The following CR1 variants were observed in gnomAD, a reference collection of about 807,000 sequenced individuals.
CR1 encodes the protein complement receptor type 1.
CR1 carries 116 observed loss-of-function variants against 187.3 expected under a neutral mutation model. The ratio of observed to expected loss-of-function variants is 0.62; its 90% CI spans 0.53 to 0.72. The LOEUF (loss-of-function observed/expected upper bound fraction) is 0.72, where lower values mean the gene tolerates loss of function less well. Ranked by LOEUF, CR1 falls within the 30% of genes least tolerant of loss-of-function variation. CR1 has a pLI of 0.00. For missense variants in CR1, 1,731 were observed against 2,110.7 expected, an observed-to-expected ratio of 0.82 and a Z score of 3.52; for synonymous variants, 576 against 747.1, an observed-to-expected ratio of 0.77 and a Z score of 3.73.
chr1:207,574,311 C>A (rs979846412), intron 27 of CR1, among the ~76,000 whole-genome samples: 10 of 152,006 alleles, frequency 6.6e-5, no homozygotes, highest in Admixed American at 2.0e-4. Flanking sequence ...ATATAATACC[C>A]GCAAAAGAAA....
At chr1:207,635,070 G>A (rs1187270660) in intron 46 of CR1, among the ~76,000 whole-genome samples, 1 of 152,152 alleles carries the variant, frequency 6.6e-6, no homozygotes, top group African/African-American at 2.4e-5. Flanking sequence ...ATCACAGAGG[G>A]CAATAAACAC....
At chr1:207,627,702 T>C (rs1662523344) in intron 45 of CR1, among the ~76,000 whole-genome samples, 1 of 152,164 alleles carries the variant, frequency 6.6e-6, no homozygotes, top group African/African-American at 2.4e-5. Context: ...CTTGAGCCAA[T>C]GAGTTTAAGG....
chr1:207,638,401 G>A (rs984575141), intron 46 of CR1, among the ~76,000 whole-genome samples: 1 of 152,160 alleles, frequency 6.6e-6, no homozygotes, highest in African/African-American at 2.4e-5. Context: ...CACTTCTGAG[G>A]CTGTGCCTAC....
intron 35 of CR1, among the ~76,000 whole-genome samples, chr1:207,589,877 G>A (rs998087604): frequency 2.6e-5 from 4 of 152,118 alleles, no homozygotes; most frequent in Non-Finnish European, 5.9e-5. Flanking sequence ...AGAGATTGAA[G>A]ATCAACTTAA....
At chr1:207,508,357 A>C (rs1377928547) in intron 3 of CR1, among the ~76,000 whole-genome samples, 1 of 152,218 alleles carries the variant, frequency 6.6e-6, no homozygotes, top group Non-Finnish European at 1.5e-5. Flanking sequence ...CCCTGGTGAA[A>C]GATGTTTATA....
At chr1:207,585,828 A>G (rs1259477767) in intron 33 of CR1, among the ~76,000 whole-genome samples, 1 of 152,144 alleles carries the variant, frequency 6.6e-6, no homozygotes, top group Non-Finnish European at 1.5e-5. Context: ...AATGGAGTTC[A>G]GACTCTATTT....
intron 35 of CR1, among the ~76,000 whole-genome samples, chr1:207,606,790 C>A (rs960990493): frequency 1.3e-5 from 2 of 152,160 alleles, no homozygotes; most frequent in African/African-American, 4.8e-5. Flanking sequence ...ACTGACTCTT[C>A]TGGGTAAATC....
chr1:207,506,054 T>C lies in CR1; in HGVS notation c.272T>C (p.Val91Ala). 1 of 1,613,916 alleles carries C rather than the reference T, an allele frequency of 6.2e-7. No individual in the cohort carries two copies. The highest frequency in any genetic ancestry group is 8.5e-7 in the Non-Finnish European group (1 of 1,179,838). ...TCTATCATCTGCCTAAAAAACTCAGTCTGGACTGGTGCTAAGGACAGGTGC... is the reference window on the plus strand; with the variant it reads ...TCTATCATCTGCCTAAAAAACTCAGCCTGGACTGGTGCTAAGGACAGGTGC... ...PFSIICLKNSVWTGAKDRCRR... is the reference protein window; with the variant it reads ...PFSIICLKNSAWTGAKDRCRR... The change falls in exon 2 of 47, where the codon GTC becomes GCC. Residue 91 changes from valine to alanine, a missense_variant. This residue lies in a region of CR1 where 237 missense variants were observed against 240.4 expected (regional missense o/e 0.99). Coordinates refer to ENST00000367049, the MANE Select transcript of CR1 (RefSeq NM_000651.6).
chr1:207,594,983 A>C (rs990780538), intron 35 of CR1, among the ~76,000 whole-genome samples: 3 of 152,134 alleles, frequency 2.0e-5, no homozygotes, highest in African/African-American at 4.8e-5. Flanking sequence ...ATCTTTAAAA[A>C]TCTCTCATAT....
intron 4 of CR1, among the ~76,000 whole-genome samples, chr1:207,518,824 G>T (rs1278987949): frequency 3.3e-5 from 5 of 152,190 alleles, no homozygotes; most frequent in Admixed American, 6.5e-5. Context: ...TAACGTGATT[G>T]TATCTACAAA....
Position 207,639,365 on chromosome 1 carries a change from G to A in CR1, c.7458-32G>A, listed in dbSNP as rs1174230032. The A allele has an allele frequency of 8.2e-6, 13 of 1,588,536 alleles. No homozygotes were observed. In the East Asian group the frequency reaches 2.9e-4, roughly 36 times the overall value. On this transcript the variant is annotated intron_variant, in intron 46 of 46. Transcript: ENST00000367049. ...GGGTAGTTCAGTTGTCTACCATGCT[G>A]TTAATTAAATGAAAACATCCTGTTA... is the stretch of plus-strand genomic sequence containing the variant.
In CR1 at chr1:207,587,566, G is replaced by A. The variant is rs773807648; in HGVS notation, c.5710+1G>A. The A allele has an allele frequency of 4.3e-6, 7 of 1,612,540 alleles. No individual in the cohort carries two copies. The highest frequency in any genetic ancestry group is 1.3e-5 in the African/African-American group (1 of 74,976). On this transcript the variant is annotated splice_donor_variant, in intron 34 of 46. Transcript: ENST00000367049. LOFTEE classifies it high-confidence loss of function. ...TCAAGTGTTGAAGACAACTGTAGAC[G>A]TGAGTAACCCCTCCCTGGGAACTAC...
chr1:207,510,746 T>TTTCCTTCCTTCCTTCC (rs71154819), intron 3 of CR1, among the ~76,000 whole-genome samples: 1 of 148,448 alleles, frequency 6.7e-6, no homozygotes, highest in African/African-American at 2.5e-5. Flanking sequence ...TCCTTCCTTC[T>TTTCCTTCCTTCCTTCC]TTCCTTCCTT....
chr1:207,590,061 C>T (rs1052352929), intron 35 of CR1, among the ~76,000 whole-genome samples: 2 of 152,122 alleles, frequency 1.3e-5, no homozygotes, highest in Non-Finnish European at 2.9e-5. Context: ...GAGAACTGCC[C>T]CAACCTAGCA....
intron 31 of CR1, among the ~76,000 whole-genome samples, chr1:207,580,908 C>G (rs116772674): frequency 0.021 from 3,245 of 152,260 alleles, 63 homozygotes; most frequent in Non-Finnish European, 0.028. Flanking sequence ...AGACTAATAT[C>G]TGAAACAATG....
chr1:207,580,207 C>T (rs1660889545), intron 29 of CR1, 33 bp from the exon 30 acceptor site: 1 of 1,607,270 alleles, frequency 6.2e-7, no homozygotes. Flanking sequence ...TCCCCCATAA[C>T]TAACAAGTAC....
rs1006490433 is a variant in CR1, at chr1:207,641,333, A to C, written c.*1924A>C. On this transcript the variant is annotated 3_prime_UTR_variant, in exon 47 of 47. Coordinates refer to ENST00000367049, the MANE Select transcript of CR1 (RefSeq NM_000651.6). ...GAGCAATGTGATTAATAAATATTTC[A>C]ATGTCTGTGACTTTTGATTTATTTT... is the stretch of plus-strand genomic sequence containing the variant. 6 of 152,032 alleles carry C rather than the reference A, an allele frequency of 3.9e-5. No homozygotes were observed. Among genetic ancestry groups the C allele is most frequent in the African/African-American group, 1.2e-4 (5 of 41,388 alleles). 9.4% of individuals were successfully genotyped at this position (152,032 alleles called of 1,614,324 possible).
At chr1:207,610,665 A>G (rs1277095994) in intron 37 of CR1, among the ~76,000 whole-genome samples, 1 of 152,084 alleles carries the variant, frequency 6.6e-6, no homozygotes, top group Admixed American at 6.6e-5. Context: ...GAACACACCA[A>G]TTGTCCTGTG....
chr1:207,606,204 G>C (rs1661745701), intron 35 of CR1, among the ~76,000 whole-genome samples: 1 of 152,150 alleles, frequency 6.6e-6, no homozygotes, highest in Non-Finnish European at 1.5e-5. Flanking sequence ...AGAGGACACA[G>C]GGAAGAAGGG....
Sources: gnomAD v4.1 joint callset for allele counts (sites outside exome capture counted in the v4.1 genomes callset) on GRCh38, gnomAD v4.1.1 for gene constraint, gnomAD v4.1.1 regional missense constraint, MANE v1.5 for transcripts, NCBI Gene and HGNC (gene_info 2026-07-23, HGNC 2026-07-21) for gene names.